Variants in ALK observed in about 807,000 individuals in gnomAD.
ALK encodes ALK tyrosine kinase receptor.
ALK carries 74 observed loss-of-function variants against 163.1 expected under a neutral mutation model. The observed-to-expected ratio is 0.45, with a 90% CI of 0.38 to 0.55. The LOEUF is 0.55. Ranked by LOEUF, ALK falls within the 20% of genes least tolerant of loss-of-function variation. ALK has a pLI of 0.00. For synonymous variants in ALK, 960 were observed against 843.2 expected (o/e 1.14, Z -2.40); for missense variants, 2,063 against 2,105.3 (o/e 0.98, Z 0.39).
At chr2:29,234,035 C>A (rs1223569422) in intron 13 of ALK, among the ~76,000 whole-genome samples, 2 of 151,576 alleles carry the variant, frequency 1.3e-5, no homozygotes, top group African/African-American at 4.9e-5. Context: ...GAGAGTGGGG[C>A]AAAGTTATGT....
At chr2:29,267,476 A>G (rs138286845) in intron 11 of ALK, among the ~76,000 whole-genome samples, 10 of 152,314 alleles carry the variant, frequency 6.6e-5, no homozygotes, top group African/African-American at 2.2e-4. Flanking sequence ...CCCCTGCTGC[A>G]CAGCTGGTAC....
intron 1 of ALK, among the ~76,000 whole-genome samples, chr2:29,821,049 G>A (rs981271631): frequency 7.9e-5 from 12 of 152,298 alleles, no homozygotes; most frequent in South Asian, 6.2e-4. Context: ...GAGTGAGGGC[G>A]GGTGTCTGGC....
At chr2:29,555,433 T>C (rs896816591) in intron 3 of ALK, among the ~76,000 whole-genome samples, 2 of 152,138 alleles carry the variant, frequency 1.3e-5, no homozygotes, top group African/African-American at 4.8e-5. Context: ...TCCCCAGTCA[T>C]GGAAATATGG....
At chr2:29,425,432 C>A (rs1032626492) in intron 4 of ALK, among the ~76,000 whole-genome samples, 2 of 152,138 alleles carry the variant, frequency 1.3e-5, no homozygotes, top group South Asian at 4.1e-4. Flanking sequence ...GTAAGCATGG[C>A]CAAGAAGTTG....
intron 4 of ALK, among the ~76,000 whole-genome samples, chr2:29,456,609 T>G (rs1209441437): frequency 6.6e-6 from 1 of 152,158 alleles, no homozygotes; most frequent in Non-Finnish European, 1.5e-5. Context: ...GTTTTCAAGA[T>G]GAAAAACATT....
intron 3 of ALK, among the ~76,000 whole-genome samples, chr2:29,580,381 C>T (rs958577537): frequency 2.6e-5 from 4 of 152,192 alleles, no homozygotes; most frequent in African/African-American, 9.7e-5. Context: ...TCCTCTCCCG[C>T]TCCCCCTTTC....
chr2:29,603,349 A>G (rs1675431656), intron 3 of ALK, among the ~76,000 whole-genome samples: 1 of 152,184 alleles, frequency 6.6e-6, no homozygotes, highest in Non-Finnish European at 1.5e-5. Flanking sequence ...ATTTCAAAAT[A>G]TGTCACAGAA....
chr2:29,529,883 GAGC>G (rs2148156527), intron 4 of ALK, among the ~76,000 whole-genome samples: 1 of 152,266 alleles, frequency 6.6e-6, no homozygotes, highest in South Asian at 2.1e-4. Flanking sequence ...CCAGAGGACA[GAGC>G]AGCTCCTCTG....
intron 8 of ALK, among the ~76,000 whole-genome samples, chr2:29,317,069 A>G (rs1250669805): frequency 6.6e-6 from 1 of 152,150 alleles, no homozygotes; most frequent in African/African-American, 2.4e-5. Context: ...TTATTTTATG[A>G]GAAACTCGAG....
At chr2:29,312,215 T>G (rs993097263) in intron 8 of ALK, among the ~76,000 whole-genome samples, 1 of 152,010 alleles carries the variant, frequency 6.6e-6, no homozygotes, top group Non-Finnish European at 1.5e-5. Context: ...AAGATAATAA[T>G]AGTAATGGCT....
chr2:29,878,381 A>G (rs935565226), intron 1 of ALK, among the ~76,000 whole-genome samples: 2 of 152,206 alleles, frequency 1.3e-5, no homozygotes, highest in African/African-American at 4.8e-5. Flanking sequence ...CACTGCCTCT[A>G]TTACTCTCAC....
At chr2:29,770,910 C>G (rs114891728) in intron 1 of ALK, among the ~76,000 whole-genome samples, 164 of 152,004 alleles carry the variant, frequency 1.1e-3, no homozygotes, top group African/African-American at 3.8e-3. Context: ...GTCTCACACA[C>G]AGTCACACAC....
At chr2:29,535,869 T>A (rs926826281) in intron 3 of ALK, among the ~76,000 whole-genome samples, 6 of 152,216 alleles carry the variant, frequency 3.9e-5, no homozygotes, top group African/African-American at 1.4e-4. Flanking sequence ...TTCTCATAAT[T>A]CACCTCTCTG....
chr2:29,254,912 C>A, intron 11 of ALK, among the ~76,000 whole-genome samples: 1 of 152,200 alleles, frequency 6.6e-6, no homozygotes, highest in Admixed American at 6.5e-5. Flanking sequence ...ATACATTAGT[C>A]TCCAGTGGTT....
At chr2:29,718,884 G>A (rs1223858520) in intron 1 of ALK, among the ~76,000 whole-genome samples, 2 of 152,206 alleles carry the variant, frequency 1.3e-5, no homozygotes, top group Non-Finnish European at 2.9e-5. Context: ...AGAGAAAGAA[G>A]AAAAGGCAGG....
At chr2:29,871,623 C>T (rs1666577680) in intron 1 of ALK, among the ~76,000 whole-genome samples, 2 of 152,198 alleles carry the variant, frequency 1.3e-5, no homozygotes, top group South Asian at 2.1e-4. Flanking sequence ...CATAAGAAAC[C>T]TGCCTTGACT....
intron 1 of ALK, among the ~76,000 whole-genome samples, chr2:29,851,287 G>A (rs7567152): frequency 0.27 from 40,391 of 151,912 alleles, 6,209 homozygotes; most frequent in East Asian, 0.53. Context: ...TCTTTTCCCC[G>A]GTTTACAAGG....
At chr2:29,203,734 T>A (rs1669243486) in intron 26 of ALK, among the ~76,000 whole-genome samples, 1 of 151,906 alleles carries the variant, frequency 6.6e-6, no homozygotes, top group African/African-American at 2.4e-5. Context: ...TCCACCTGCC[T>A]CGGTCTCCCA....
At chr2:29,715,921 C>T (rs1169027534) in intron 2 of ALK, among the ~76,000 whole-genome samples, 3 of 152,194 alleles carry the variant, frequency 2.0e-5, no homozygotes, top group Non-Finnish European at 4.4e-5. Flanking sequence ...TCACAGGAAA[C>T]ATTCCAGCAC....
Sources: gnomAD v4.1 joint callset for allele counts (sites outside exome capture counted in the v4.1 genomes callset) on GRCh38, gnomAD v4.1.1 for gene constraint, MANE v1.5 for transcripts, NCBI Gene and HGNC (gene_info 2026-07-23, HGNC 2026-07-21) for gene names.